Variants in UNC79 observed in about 807,000 individuals in gnomAD.
UNC79 encodes the protein unc-79 subunit of NALCN channel complex, also known as protein unc-79 homolog.
Under a neutral mutation model 283.1 loss-of-function variants are expected in UNC79, and 37 were observed. That is an observed-to-expected ratio of 0.13 (90% confidence interval 0.10 to 0.17). UNC79 has a LOEUF of 0.17. UNC79 is among the 10% of genes least tolerant of loss of function. UNC79 has a pLI of 1.00. For missense variants in UNC79, 2,272 were observed against 3,211.1 expected, an observed-to-expected ratio of 0.71 and a Z score of 7.07; for synonymous variants, 1,107 against 1,200.2, an observed-to-expected ratio of 0.92 and a Z score of 1.61.
intron 9 of UNC79, 48 bp from the exon 10 acceptor site, chr14:93,529,238 G>C (rs977026249): frequency 6.2e-7 from 1 of 1,603,082 alleles, no homozygotes; most frequent in Non-Finnish European, 8.5e-7. Context: ...CATGTGGAAG[G>C]AGAACATTTC....
At position 93,572,952 on chromosome 14, in the gene UNC79, T is replaced by C. The variant is rs2063290357; in HGVS notation, c.2070+136T>C. 14 of 1,049,596 alleles carry C rather than the reference T, an allele frequency of 1.3e-5. No individual in the cohort carries two copies. The East Asian group carries it at 1.9e-4, about 14-fold the overall frequency. 65.0% of individuals were successfully genotyped at this position (1,049,596 alleles called of 1,614,324 possible). A position where few individuals can be genotyped will look rare whatever the true frequency, so the allele number is the denominator to read the frequency against. Reference sequence around the variant, plus strand: ...GTTTGCCAAGAAAGTGTATCTCCTATGCATAGATAAATGAGTAAATTTCAA... The same window carrying C: ...GTTTGCCAAGAAAGTGTATCTCCTACGCATAGATAAATGAGTAAATTTCAA... On this transcript the variant is annotated intron_variant, in intron 16 of 48. Coordinates refer to ENST00000555664, the Ensembl canonical transcript of UNC79.
intron 35 of UNC79, among the ~76,000 whole-genome samples, chr14:93,653,201 G>A (rs1318439827): frequency 6.6e-6 from 1 of 152,076 alleles, no homozygotes; most frequent in Non-Finnish European, 1.5e-5. Flanking sequence ...GTGCAGAGGT[G>A]CACATGAAGG....
chr14:93,500,654 A>G lies in UNC79; in HGVS notation c.898+3368A>G, dbSNP rs1404397795. Among the ~76,000 whole-genome samples the G allele has an allele frequency of 3.3e-5, 5 of 152,308 alleles. No homozygotes were observed. In the East Asian group the frequency reaches 9.6e-4, roughly 29 times the overall value. On this transcript the variant is annotated intron_variant, in intron 7 of 48. Transcript: ENST00000555664. ...AATTAAACCTTACAAAAATATTGGG[A>G]AGTCAGTTGTCCTATTTCTGTTCTA...
chr14:93,577,378 A>T (rs2063534282), intron 17 of UNC79, among the ~76,000 whole-genome samples: 1 of 152,152 alleles, frequency 6.6e-6, no homozygotes, highest in Admixed American at 6.5e-5. Context: ...CCAGTACAAA[A>T]GGTTTGTCAT....
At chr14:93,498,835 G>A (rs1405965047) in intron 7 of UNC79, among the ~76,000 whole-genome samples, 2 of 152,024 alleles carry the variant, frequency 1.3e-5, no homozygotes, top group Admixed American at 6.6e-5. Context: ...TGATGCCCTT[G>A]TTCACCTTTT....
chr14:93,454,214 A>C (rs2056731516), intron 1 of UNC79, among the ~76,000 whole-genome samples: 1 of 151,852 alleles, frequency 6.6e-6, no homozygotes, highest in Admixed American at 6.6e-5. Flanking sequence ...GTTATTAAAA[A>C]AATTTTATTT....
chr14:93,504,938 C>G (rs1245670768), intron 7 of UNC79, among the ~76,000 whole-genome samples: 1 of 151,986 alleles, frequency 6.6e-6, no homozygotes, highest in Non-Finnish European at 1.5e-5. Context: ...ATGGTTTCTT[C>G]TTTGACCCAT....
At chr14:93,683,629 T>TA (rs547830644) in intron 42 of UNC79, among the ~76,000 whole-genome samples, 1 of 152,108 alleles carries the variant, frequency 6.6e-6, no homozygotes, top group Non-Finnish European at 1.5e-5. Context: ...ATGTCCCTAA[T>TA]AATAAAAGGG....
intron 14 of UNC79, among the ~76,000 whole-genome samples, chr14:93,543,487 TC>T (rs759818174): frequency 4.6e-5 from 7 of 151,710 alleles, no homozygotes; most frequent in Non-Finnish European, 7.4e-5. Flanking sequence ...CAAGAGATCC[TC>T]CCACCTCAGA....
At chr14:93,333,242 C>CGGGCGTCGGGTCGCTGGGAGTG (rs2053493421) in exon 1 of UNC79, 4 of 361,140 alleles carry the variant, frequency 1.1e-5, no homozygotes, top group Non-Finnish European at 1.4e-5. Flanking sequence ...GGCTGGGAGC[C>CGGGCGTCGGGTCGCTGGGAGTG]GGGCGTCGGG....
At chr14:93,466,733 G>T in intron 1 of UNC79, 1 of 493,156 alleles carries the variant, frequency 2.0e-6, no homozygotes, top group Non-Finnish European at 2.6e-6. Context: ...CTTAAAGATT[G>T]AAAGGACAAA....
At chr14:93,696,783 A>C (rs1336634787) in intron 47 of UNC79, among the ~76,000 whole-genome samples, 1 of 151,970 alleles carries the variant, frequency 6.6e-6, no homozygotes, top group East Asian at 1.9e-4. Flanking sequence ...ACCATTTACC[A>C]ATTTTTTTCT....
At chr14:93,431,486 G>A (rs552803540) in intron 1 of UNC79, among the ~76,000 whole-genome samples, 2 of 152,070 alleles carry the variant, frequency 1.3e-5, no homozygotes, top group African/African-American at 2.4e-5. Flanking sequence ...AGTTCTTGGT[G>A]CTGGAGCCAT....
chr14:93,515,351 A>G (rs575877135), intron 7 of UNC79, among the ~76,000 whole-genome samples: 1 of 151,768 alleles, frequency 6.6e-6, no homozygotes, highest in African/African-American at 2.4e-5. Context: ...ATTAAGCATA[A>G]TTATTTTAAA....
chr14:93,524,145 C>G (rs2060443732), intron 8 of UNC79, 103 bp downstream of exon 8: 2 of 1,293,454 alleles, frequency 1.5e-6, no homozygotes, highest in Non-Finnish European at 2.2e-6. Context: ...GAGGCATGTC[C>G]TCTGTAGTAA....
intron 27 of UNC79, among the ~76,000 whole-genome samples, chr14:93,614,427 C>T (rs1329832187): frequency 6.6e-6 from 1 of 152,028 alleles, no homozygotes; most frequent in Non-Finnish European, 1.5e-5. Context: ...GGCCATTCTC[C>T]TGCTTCAGCC....
rs978792222 is a variant in UNC79 at position 93,617,432 on chromosome 14, T to C, written c.4224+128T>C. 2.0e-6 allele frequency: 2 copies of C among 990,474 alleles called. No individual in the cohort carries two copies. Among genetic ancestry groups the C allele is most frequent in the Admixed American group, 2.8e-5 (1 of 36,072 alleles). The allele number at this position is 990,474 out of a possible 1,614,324, so 61.4% of individuals were successfully genotyped here. ...TTGACCTTCAGAAGGAAGATCAGGA[T>C]ATGCAATTACTGTTAAGAACCAAAG... On this transcript the variant is annotated intron_variant, in intron 28 of 48. Transcript: ENST00000555664. This position sits in a 1 kb window ranked among gnomAD's most constrained non-coding sequence, Gnocchi z 4.5.
chr14:93,417,152 G>GC (rs1300600742), intron 1 of UNC79, among the ~76,000 whole-genome samples: 9 of 152,070 alleles, frequency 5.9e-5, no homozygotes, highest in Non-Finnish European at 1.3e-4. Context: ...TTTTGCAGTG[G>GC]CTGGTACCGG....
In UNC79 at chr14:93,688,846, A is replaced by T. The variant is rs571317350; in HGVS notation, c.7085+6A>T. On this transcript the variant is annotated splice_donor_region_variant and intron_variant, in intron 44 of 48. Coordinates refer to ENST00000555664, the Ensembl canonical transcript of UNC79. This position sits in a 1 kb window ranked among gnomAD's most constrained non-coding sequence, Gnocchi z 4.0. ...CCCTCTGCAATGCAGCAAGGGTAAG[A>T]CCCTTACTATTCCGGGAATGAGGGT... 27 of 1,610,900 alleles carry T rather than the reference A, an allele frequency of 1.7e-5. No individual in the cohort carries two copies. The South Asian group carries it at 2.9e-4, about 17-fold the overall frequency.
Sources: allele counts gnomAD v4.1 joint callset (sites outside exome capture counted in the v4.1 genomes callset), GRCh38; gene constraint gnomAD v4.1.1; non-coding constraint Gnocchi (gnomAD v3.1); transcripts MANE v1.5; gene names NCBI Gene and HGNC (gene_info 2026-07-23, HGNC 2026-07-21).